The following KIAA1958 variants were observed in gnomAD, a reference collection of about 807,000 sequenced individuals.
KIAA1958 encodes uncharacterized protein KIAA1958.
In KIAA1958, 14 loss-of-function variants were observed where a neutral mutation model predicts 47.2. The observed-to-expected ratio is 0.30, with a 90% CI of 0.20 to 0.46. KIAA1958 has a LOEUF of 0.46. KIAA1958 is among the 20% of genes least tolerant of loss of function. The pLI, the probability that KIAA1958 is intolerant of heterozygous loss-of-function variation, is 1.00. For synonymous variants in KIAA1958, 354 were observed against 353.3 expected (o/e 1.00, Z -0.02); for missense variants, 803 against 909.2 (o/e 0.88, Z 1.50).
chr9:112,631,534 G>GAA (rs57805823), intron 2 of KIAA1958, among the ~76,000 whole-genome samples: 72 of 98,280 alleles, frequency 7.3e-4, no homozygotes, highest in Non-Finnish European at 8.6e-4. Context: ...CTCTCTCAAA[G>GAA]AAAAAAAAAA....
At chr9:112,547,278 T>G (rs187193313) in intron 1 of KIAA1958, among the ~76,000 whole-genome samples, 2,419 of 149,594 alleles carry the variant, frequency 0.016, 61 homozygotes, top group African/African-American at 0.056. Context: ...CTCAGGAGGC[T>G]GAGGCCTGAG....
chr9:112,545,683 T>C (rs6477950), intron 1 of KIAA1958, among the ~76,000 whole-genome samples: 145,242 of 152,140 alleles, frequency 0.95, 69,402 homozygotes, highest in African/African-American at 0.99. Context: ...ACAGAGCATC[T>C]GGGAGATGAA....
At chr9:112,518,166 G>A (rs1052707007) in intron 1 of KIAA1958, among the ~76,000 whole-genome samples, 1 of 152,132 alleles carries the variant, frequency 6.6e-6, no homozygotes, top group Non-Finnish European at 1.5e-5. Context: ...TGCAGTGAGA[G>A]ACCTTGACTC....
intron 2 of KIAA1958, among the ~76,000 whole-genome samples, chr9:112,606,256 GT>G (rs1836232510): frequency 6.6e-6 from 1 of 152,114 alleles, no homozygotes; most frequent in Admixed American, 6.5e-5. Flanking sequence ...TTAGGTCTGG[GT>G]ACAGATGTTG....
chr9:112,633,708 C>A (rs1362000380), intron 2 of KIAA1958, among the ~76,000 whole-genome samples: 1 of 152,070 alleles, frequency 6.6e-6, no homozygotes. Flanking sequence ...ATAAATGAAC[C>A]CTTTCAATAT....
chr9:112,545,022 T>C (rs1442694250), intron 1 of KIAA1958, among the ~76,000 whole-genome samples: 1 of 152,188 alleles, frequency 6.6e-6, no homozygotes, highest in Non-Finnish European at 1.5e-5. Flanking sequence ...TAGGATTCAG[T>C]TCATTAATGT....
intron 2 of KIAA1958, among the ~76,000 whole-genome samples, chr9:112,606,530 A>G (rs1358094227): frequency 1.3e-5 from 2 of 152,198 alleles, no homozygotes; most frequent in African/African-American, 2.4e-5. Context: ...ATTAGTAACA[A>G]TGACTCATTC....
chr9:112,604,434 TCTC>T, intron 2 of KIAA1958, among the ~76,000 whole-genome samples: 1 of 152,306 alleles, frequency 6.6e-6, no homozygotes, highest in Middle Eastern at 3.4e-3. Context: ...TGGGATGGCT[TCTC>T]CTTTAGAGAA....
chr9:112,580,537 A>G (rs1424810776), intron 2 of KIAA1958, among the ~76,000 whole-genome samples: 1 of 152,204 alleles, frequency 6.6e-6, no homozygotes, highest in Non-Finnish European at 1.5e-5. Flanking sequence ...CTGTAATCCC[A>G]ACACTTTGGG....
intron 2 of KIAA1958, 68 bp downstream of exon 2, chr9:112,575,319 C>T: frequency 9.2e-7 from 1 of 1,082,192 alleles, no homozygotes; most frequent in Non-Finnish European, 1.3e-6. Flanking sequence ...GTCAGCACTT[C>T]TAAAACCATT....
intron 1 of KIAA1958, among the ~76,000 whole-genome samples, chr9:112,536,343 A>C (rs1368926954): frequency 6.6e-6 from 1 of 152,254 alleles, no homozygotes; most frequent in East Asian, 1.9e-4. Flanking sequence ...ACAAAGTTAG[A>C]GGAGTTAGGA....
At chr9:112,562,313 G>A (rs138725150) in intron 1 of KIAA1958, among the ~76,000 whole-genome samples, 1 of 152,206 alleles carries the variant, frequency 6.6e-6, no homozygotes, top group East Asian at 1.9e-4. Context: ...TTACAGATAA[G>A]GAAACTAAGG....
chr9:112,527,000 T>C (rs1655290134), intron 1 of KIAA1958, among the ~76,000 whole-genome samples: 1 of 152,242 alleles, frequency 6.6e-6, no homozygotes, highest in Non-Finnish European at 1.5e-5. Context: ...TAATGTTGAT[T>C]ATACCAACTT....
chr9:112,606,458 G>A (rs1005918255), intron 2 of KIAA1958, among the ~76,000 whole-genome samples: 4 of 152,128 alleles, frequency 2.6e-5, no homozygotes, highest in Non-Finnish European at 5.9e-5. Context: ...GTTTTTAAAT[G>A]TGTTATTAAT....
At chr9:112,634,176 G>A (rs1360444862) in intron 2 of KIAA1958, among the ~76,000 whole-genome samples, 2 of 152,186 alleles carry the variant, frequency 1.3e-5, no homozygotes, top group Non-Finnish European at 2.9e-5. Context: ...ACATTTCAGT[G>A]AGTGTATTTT....
Position 112,618,586 on chromosome 9 carries a change from C to A in KIAA1958, c.1172-27064C>A, listed in dbSNP as rs1436547370. 6.4e-7 allele frequency: 1 copy of A among 1,550,668 alleles called. No homozygotes were observed. Among genetic ancestry groups the A allele is most frequent in the East Asian group, 2.4e-5 (1 of 40,922 alleles). ...AGGAGTATGCCCAGCGGCGGCCTCC[C>A]GCCATGCGCTACGAGGATGCCCCTT... On this transcript the variant is annotated intron_variant, in intron 2 of 3. Transcript: ENST00000337530. The surrounding 1 kb of genome is among the most constrained non-coding windows in gnomAD (Gnocchi z 7.1).
intron 2 of KIAA1958, among the ~76,000 whole-genome samples, chr9:112,597,534 T>C (rs1836052751): frequency 6.6e-6 from 1 of 152,212 alleles, no homozygotes; most frequent in South Asian, 2.1e-4. Flanking sequence ...TCTTGGCTGT[T>C]CCAGGACATG....
Position 112,574,085 on chromosome 9 carries a change from A to T in KIAA1958, c.5A>T (p.Glu2Val). Residue 2 changes from glutamate (E) to valine (V), a missense_variant, in exon 2 of 4, where the codon GAG becomes GTG. This residue lies in a region of KIAA1958 where 42 missense variants were observed against 79.9 expected (regional missense o/e 0.53). Transcript: ENST00000337530. Reference protein sequence around the residue: MEDCLHTSSENL... With the variant: MVDCLHTSSENL... Reference sequence around the variant, plus strand: ...TGACACTGCTGATCCTGTAACATGGAGGATTGTCTTCATACCTCATCTGAG... The same window carrying T: ...TGACACTGCTGATCCTGTAACATGGTGGATTGTCTTCATACCTCATCTGAG... 1 of 1,571,106 alleles carries T rather than the reference A, an allele frequency of 6.4e-7. No homozygotes were observed. The highest frequency in any genetic ancestry group is 1.2e-5 in the South Asian group (1 of 85,662).
chr9:112,614,721 C>A (rs1788242132), intron 2 of KIAA1958, among the ~76,000 whole-genome samples: 1 of 152,162 alleles, frequency 6.6e-6, no homozygotes, highest in South Asian at 2.1e-4. Flanking sequence ...GATGGAATGG[C>A]TGTTTGTCAA....
Sources: allele counts gnomAD v4.1 joint callset (sites outside exome capture counted in the v4.1 genomes callset), GRCh38; gene constraint gnomAD v4.1.1; regional missense constraint gnomAD v4.1.1; non-coding constraint Gnocchi (gnomAD v3.1); transcripts MANE v1.5; gene names NCBI Gene and HGNC (gene_info 2026-07-23, HGNC 2026-07-21).